RGP1: variants seen among roughly 807,000 people sequenced by gnomAD.
The protein encoded by RGP1 is RAB6A-GEF complex partner protein 2.
RGP1 carries 28 observed loss-of-function variants against 44.5 expected under a neutral mutation model. That is an observed-to-expected ratio of 0.63 (90% confidence interval 0.47 to 0.86). The LOEUF is 0.86. Ranked by LOEUF, RGP1 falls within the 40% of genes least tolerant of loss-of-function variation. The pLI is 0.00. For missense variants in RGP1, 417 were observed against 490.7 expected (o/e 0.85, Z 1.42); for synonymous variants, 212 against 196.7 (o/e 1.08, Z -0.65).
the RGP1 span, among the ~76,000 whole-genome samples, chr9:35,770,493 G>GAGAGAGAGAGAT: frequency 2.1e-4 from 1 of 4,760 alleles, no homozygotes; most frequent in African/African-American, 4.5e-4. Context: ...TATTACCATG[G>GAGAGAGAGAGAT]AGAGAGAGAG....
intron 8 of RGP1, 23 bp from the exon 9 acceptor site, chr9:35,752,628 A>G: frequency 6.4e-7 from 1 of 1,568,440 alleles, no homozygotes. Context: ...TGATGCTTCT[A>G]CCTTAATCTT....
At chr9:35,751,830 G>A in intron 7 of RGP1, 76 bp downstream of exon 7, 3 of 1,601,168 alleles carry the variant, frequency 1.9e-6, no homozygotes, top group Non-Finnish European at 2.6e-6. Context: ...TGTATAAAGA[G>A]GGGTGGCATG....
At chr9:35,750,496 G>C in intron 3 of RGP1, 117 bp downstream of exon 3, 1 of 1,344,272 alleles carries the variant, frequency 7.4e-7, no homozygotes, top group Non-Finnish European at 1.0e-6. Context: ...GTCATGCTGG[G>C]GATGTTGGGG....
chr9:35,777,445 GTT>G, the RGP1 span, among the ~76,000 whole-genome samples: 90,455 of 140,856 alleles, frequency 0.64, 28,810 homozygotes, highest in East Asian at 0.83. Flanking sequence ...ATGTTTTGTG[GTT>G]TTTTTTTTTT....
Position 35,749,896 on chromosome 9 carries a change from G to A in RGP1, c.116+25G>A. 1 of 1,554,714 alleles carries A rather than the reference G, an allele frequency of 6.4e-7. No individual in the cohort carries two copies. Among genetic ancestry groups the A allele is most frequent in the East Asian group, 2.2e-5 (1 of 44,514 alleles). On this transcript the variant is annotated intron_variant, in intron 2 of 8. Transcript: ENST00000378078. The surrounding 1 kb of genome is among the most constrained non-coding windows in gnomAD (Gnocchi z 4.4). ...GGTGGGGATGCTGGCACTGAAGGTG[G>A]TGGCCCTTCTGGGAAGAAGCCAGAT...
chr9:35,774,516 A>G, the RGP1 span, among the ~76,000 whole-genome samples: 1 of 152,170 alleles, frequency 6.6e-6, no homozygotes, highest in East Asian at 1.9e-4. Flanking sequence ...TCACGAGGTC[A>G]GGAGATAGAG....
At chr9:35,763,277 C>T (rs913136836), downstream of RGP1, among the ~76,000 whole-genome samples, 6 of 152,182 alleles carry the variant, frequency 3.9e-5, no homozygotes, top group Non-Finnish European at 1.5e-5. Flanking sequence ...TTCAGGCTAA[C>T]CTTGTGTTAG....
downstream of RGP1, among the ~76,000 whole-genome samples, chr9:35,759,741 A>G (rs1270496521): frequency 6.6e-6 from 1 of 151,432 alleles, no homozygotes; most frequent in Admixed American, 6.6e-5. Flanking sequence ...AATACTTAAA[A>G]TTTTTTTCCT....
chr9:35,764,892 G>A, the RGP1 span, among the ~76,000 whole-genome samples: 4 of 151,818 alleles, frequency 2.6e-5, no homozygotes, highest in Admixed American at 6.6e-5. Context: ...TTGGGATGCC[G>A]AGGTGGGCAG....
At chr9:35,785,113 G>A in the RGP1 span, among the ~76,000 whole-genome samples, 5 of 152,134 alleles carry the variant, frequency 3.3e-5, no homozygotes, top group Non-Finnish European at 7.3e-5. Context: ...AATTTGGCTT[G>A]GGGTAGGGAC....
At chr9:35,762,055 G>A (rs952855336), downstream of RGP1, among the ~76,000 whole-genome samples, 4 of 152,110 alleles carry the variant, frequency 2.6e-5, no homozygotes, top group Non-Finnish European at 5.9e-5. Flanking sequence ...TGAGGCAGGA[G>A]AATCACTTGA....
chr9:35,773,722 G>A, the RGP1 span, among the ~76,000 whole-genome samples: 3 of 151,952 alleles, frequency 2.0e-5, no homozygotes, highest in Admixed American at 1.3e-4. Flanking sequence ...GGCTGGTCTC[G>A]AACTCCTGAC....
chr9:35,761,280 T>G (rs747588401), downstream of RGP1, among the ~76,000 whole-genome samples: 1 of 152,244 alleles, frequency 6.6e-6, no homozygotes, highest in African/African-American at 2.4e-5. Context: ...TAGATGTTTT[T>G]GCATCCCTAG....
intron 6 of RGP1, 55 bp downstream of exon 6, chr9:35,751,467 T>C (rs1435529952): frequency 3.1e-6 from 5 of 1,609,422 alleles, no homozygotes. Flanking sequence ...TGTTTTCCCA[T>C]CTCAGAGACA....
chr9:35,768,071 G>A, the RGP1 span, among the ~76,000 whole-genome samples: 26 of 152,066 alleles, frequency 1.7e-4, no homozygotes, highest in Admixed American at 5.2e-4. Flanking sequence ...AAATTGCTGG[G>A]GTTATAGGCA....
chr9:35,750,289 G>T lies in RGP1; in HGVS notation c.163G>T (p.Ala55Ser). Residue 55 changes from alanine (A) to serine (S), a missense_variant, in exon 3 of 9, where the codon GCC (alanine) becomes TCC (serine). Physicochemically the swap from Ala to Ser is moderately conservative, Grantham distance 99 (BLOSUM62 1). Coordinates refer to ENST00000378078, the MANE Select transcript of RGP1 (RefSeq NM_001080496.3). ...ASAQIHCQFH[A>S]SESRVALPPP... ...TGCCCAAATCCACTGCCAGTTCCAT[G>T]CCAGTGAGAGTCGAGTAGCACTGCC... 6.2e-7 allele frequency: 1 copy of T among 1,613,922 alleles called. No individual in the cohort carries two copies. The highest frequency in any genetic ancestry group is 8.5e-7 in the Non-Finnish European group (1 of 1,179,870).
At chr9:35,762,216 C>A (rs1827424388), downstream of RGP1, among the ~76,000 whole-genome samples, 1 of 152,144 alleles carries the variant, frequency 6.6e-6, no homozygotes, top group Non-Finnish European at 1.5e-5. Context: ...GGAAATAAGG[C>A]AGACATGATA....
At chr9:35,767,283 G>GTTTTTTTTTTTTTTTTTTTTTTTTT in the RGP1 span, among the ~76,000 whole-genome samples, 1 of 108,432 alleles carries the variant, frequency 9.2e-6, no homozygotes, top group Non-Finnish European at 1.8e-5. Flanking sequence ...AAGCAAATTG[G>GTTTTTTTTTTTTTTTTTTTTTTTTT]TTTTTTTTTT....
chr9:35,751,500 C>T (rs978446087), intron 6 of RGP1, 88 bp downstream of exon 6: 1 of 1,596,092 alleles, frequency 6.3e-7, no homozygotes, highest in Non-Finnish European at 8.6e-7. Context: ...CCACACACTT[C>T]TGTGGATCCA....
Sources: gnomAD v4.1 joint callset for allele counts (sites outside exome capture counted in the v4.1 genomes callset) on GRCh38, gnomAD v4.1.1 for gene constraint, Gnocchi (gnomAD v3.1) non-coding constraint, MANE v1.5 for transcripts, NCBI Gene and HGNC (gene_info 2026-07-23, HGNC 2026-07-21) for gene names.